The following SORD variants were observed in gnomAD, a reference collection of about 807,000 sequenced individuals.
The protein encoded by SORD is sorbitol dehydrogenase.
Under a neutral mutation model 35.6 loss-of-function variants are expected in SORD, and 18 were observed. That is an observed-to-expected ratio of 0.51 (90% CI 0.35 to 0.75). The LOEUF (loss-of-function observed/expected upper bound fraction) is 0.75. Ranked by LOEUF, SORD falls within the 30% of genes least tolerant of loss-of-function variation. The pLI, the probability that SORD is intolerant of heterozygous loss-of-function variation, is 0.01. For missense variants in SORD, 250 were observed against 390.2 expected (o/e 0.64, Z 3.03); for synonymous variants, 106 against 152.9 (o/e 0.69, Z 2.26).
At chr15:45,031,885 T>C (rs1280088087) in intron 1 of SORD, among the ~76,000 whole-genome samples, 1 of 135,040 alleles carries the variant, frequency 7.4e-6, no homozygotes, top group Non-Finnish European at 1.6e-5. Flanking sequence ...TCACTTATCA[T>C]TGTGACTCCA....
chr15:45,056,630 G>A (rs1294162071), intron 3 of SORD, among the ~76,000 whole-genome samples: 1 of 152,188 alleles, frequency 6.6e-6, no homozygotes, highest in East Asian at 1.9e-4. Flanking sequence ...AATAGTAGGG[G>A]AGTAGAGCCA....
chr15:45,039,459 A>G (rs568829291), intron 1 of SORD, among the ~76,000 whole-genome samples: 1 of 152,322 alleles, frequency 6.6e-6, no homozygotes. Context: ...TTCAAAGAAT[A>G]AAATGAACAC....
At chr15:45,061,511 G>A (rs1192924877) in intron 4 of SORD, among the ~76,000 whole-genome samples, 1 of 152,072 alleles carries the variant, frequency 6.6e-6, no homozygotes, top group Non-Finnish European at 1.5e-5. Flanking sequence ...ACATCCTGGA[G>A]GGAATTCCTG....
chr15:45,068,124 G>A (rs1893436523), intron 5 of SORD, 57 bp from the exon 6 acceptor site: 1 of 1,335,634 alleles, frequency 7.5e-7, no homozygotes, highest in African/African-American at 1.4e-5. Flanking sequence ...GCCTGGACAA[G>A]TGGGAGAGCA....
chr15:45,040,207 C>T (rs1432497076), intron 1 of SORD, among the ~76,000 whole-genome samples: 21 of 151,814 alleles, frequency 1.4e-4, no homozygotes, highest in South Asian at 2.1e-4. Flanking sequence ...AGAAAAGTGA[C>T]GAAGGGCTAG....
chr15:45,030,759 T>A (rs73421335), intron 1 of SORD, among the ~76,000 whole-genome samples: 1,688 of 151,872 alleles, frequency 0.011, no homozygotes, highest in African/African-American at 0.039. Flanking sequence ...CCTGTGTGGA[T>A]TCAATGCTAG....
At chr15:45,030,822 G>T (rs1489331160) in intron 1 of SORD, among the ~76,000 whole-genome samples, 2 of 88,390 alleles carry the variant, frequency 2.3e-5, no homozygotes, top group African/African-American at 2.2e-4. Flanking sequence ...GCCTGGTGAG[G>T]ACAGGGGAGG....
intron 4 of SORD, among the ~76,000 whole-genome samples, chr15:45,063,296 A>G (rs1438256181): frequency 6.6e-6 from 1 of 151,918 alleles, no homozygotes; most frequent in Non-Finnish European, 1.5e-5. Flanking sequence ...TGGCTTCTTG[A>G]TCATCTGTTA....
At chr15:45,038,627 C>A (rs1386196379) in intron 1 of SORD, among the ~76,000 whole-genome samples, 1 of 152,142 alleles carries the variant, frequency 6.6e-6, no homozygotes, top group Non-Finnish European at 1.5e-5. Context: ...AGTTTAGGGA[C>A]AAGCAGTGTA....
chr15:45,070,384 T>G (rs1893491422), intron 7 of SORD: 1 of 152,154 alleles, frequency 6.6e-6, no homozygotes, highest in African/African-American at 2.4e-5. Context: ...TTGCATCACA[T>G]GAGACATTCT....
chr15:45,034,830 GGA>G (rs1359185751), intron 1 of SORD, among the ~76,000 whole-genome samples: 1 of 152,254 alleles, frequency 6.6e-6, no homozygotes, highest in African/African-American at 2.4e-5. Flanking sequence ...AGGGAGGTGT[GGA>G]GAGAGAGGCG....
chr15:45,029,135 G>C (rs1892727461), intron 1 of SORD, among the ~76,000 whole-genome samples: 2 of 152,258 alleles, frequency 1.3e-5, no homozygotes, highest in Non-Finnish European at 2.9e-5. Flanking sequence ...GTAGCAGTAA[G>C]TAGCCCAAAG....
intron 3 of SORD, among the ~76,000 whole-genome samples, chr15:45,053,057 T>C (rs1335857137): frequency 6.6e-5 from 10 of 152,196 alleles, no homozygotes; most frequent in Non-Finnish European, 1.5e-5. Context: ...CTGTCTCTTT[T>C]GGAAAAGTTC....
At chr15:45,050,899 G>T (rs1346543208) in intron 3 of SORD, among the ~76,000 whole-genome samples, 1 of 152,214 alleles carries the variant, frequency 6.6e-6, no homozygotes, top group Non-Finnish European at 1.5e-5. Flanking sequence ...GTTTTAAGCA[G>T]AAAGTTAAAA....
intron 3 of SORD, among the ~76,000 whole-genome samples, chr15:45,051,426 A>G (rs1194238262): frequency 1.3e-5 from 2 of 152,214 alleles, no homozygotes; most frequent in Non-Finnish European, 2.9e-5. Flanking sequence ...ATAATACCCA[A>G]AAGCTTGGGA....
chr15:45,038,179 C>G (rs1892903910), intron 1 of SORD, among the ~76,000 whole-genome samples: 1 of 141,070 alleles, frequency 7.1e-6, no homozygotes, highest in African/African-American at 2.8e-5. Flanking sequence ...TTCCTTCCTT[C>G]CTTCCTTCCT....
chr15:45,061,856 G>A (rs796629138), intron 4 of SORD, among the ~76,000 whole-genome samples: 12 of 152,056 alleles, frequency 7.9e-5, no homozygotes, highest in Admixed American at 4.6e-4. Context: ...GCAACAGACC[G>A]AGACTCCGTC....
At chr15:45,052,859 A>C (rs1032487198) in intron 3 of SORD, among the ~76,000 whole-genome samples, 1 of 152,164 alleles carries the variant, frequency 6.6e-6, no homozygotes, top group South Asian at 2.1e-4. Flanking sequence ...GCCTGCATGA[A>C]GTCTGTAACT....
At chr15:45,058,994 CA>C (rs1184501585) in intron 3 of SORD, among the ~76,000 whole-genome samples, 1 of 151,932 alleles carries the variant, frequency 6.6e-6, no homozygotes, top group Admixed American at 6.5e-5. Context: ...TGTACATGCC[CA>C]AAAAGGGGAG....
Sources: allele counts gnomAD v4.1 joint callset (sites outside exome capture counted in the v4.1 genomes callset), GRCh38; gene constraint gnomAD v4.1.1; transcripts MANE v1.5; gene names NCBI Gene and HGNC (gene_info 2026-07-23, HGNC 2026-07-21).